Variants in CSMD3 observed in about 807,000 individuals in gnomAD.
CSMD3 encodes the protein CUB and Sushi multiple domains 3, also known as CUB and sushi domain-containing protein 3.
A neutral mutation model predicts 435.2 loss-of-function variants in CSMD3; 177 were observed. The ratio of observed to expected loss-of-function variants is 0.41; its 90% confidence interval spans 0.36 to 0.46. The LOEUF is 0.46. Among genes scored for constraint, CSMD3 ranks in the 20% least tolerant of loss-of-function variants. CSMD3 has a pLI of 0.34. For missense variants in CSMD3, 4,265 were observed against 4,504.6 expected, an observed-to-expected ratio of 0.95 and a Z score of 1.52; for synonymous variants, 1,656 against 1,520.5, an observed-to-expected ratio of 1.09 and a Z score of -2.07.
intron 3 of CSMD3, among the ~76,000 whole-genome samples, chr8:113,244,987 T>G (rs1262015852): frequency 6.6e-6 from 1 of 152,192 alleles, no homozygotes; most frequent in Non-Finnish European, 1.5e-5. Flanking sequence ...TGTTGTTAGG[T>G]ACATGCATGT....
At chr8:113,050,975 T>G (rs1488399008) in intron 5 of CSMD3, among the ~76,000 whole-genome samples, 1 of 152,074 alleles carries the variant, frequency 6.6e-6, no homozygotes, top group East Asian at 1.9e-4. Flanking sequence ...TGACATAACA[T>G]TTGGTGGGAG....
intron 1 of CSMD3, among the ~76,000 whole-genome samples, chr8:113,357,361 G>C (rs1018872230): frequency 6.6e-6 from 1 of 152,110 alleles, no homozygotes; most frequent in African/African-American, 2.4e-5. Flanking sequence ...AGGAAAACTG[G>C]ACATTGAATC....
At chr8:112,559,840 G>T (rs1828459433) in intron 24 of CSMD3, among the ~76,000 whole-genome samples, 1 of 151,706 alleles carries the variant, frequency 6.6e-6, no homozygotes, top group African/African-American at 2.4e-5. Context: ...AGGACAATTA[G>T]GTGAAAACTT....
rs934475883 is a variant in CSMD3 at position 113,301,907 on chromosome 8, G to C, written c.401+12664C>G. Among the ~76,000 whole-genome samples, 11 of 151,944 alleles carry C rather than the reference G, an allele frequency of 7.2e-5. No homozygotes were observed. In the East Asian group the frequency reaches 2.1e-3, roughly 29 times the overall value. ...TTAACAGAAAATAGGTCATATACAT[G>C]AGATTTTTAAGTGGACCCTGATATA... On this transcript the variant is annotated intron_variant, in intron 2 of 70. Coordinates refer to ENST00000297405, the MANE Select transcript of CSMD3 (RefSeq NM_198123.2).
At chr8:113,092,068 C>A (rs1371147934) in intron 5 of CSMD3, among the ~76,000 whole-genome samples, 1 of 152,036 alleles carries the variant, frequency 6.6e-6, no homozygotes, top group Non-Finnish European at 1.5e-5. Context: ...TGACTCTAGT[C>A]TTTGATAAAC....
At chr8:112,653,997 T>TG (rs1259378696) in intron 18 of CSMD3, among the ~76,000 whole-genome samples, 1 of 151,228 alleles carries the variant, frequency 6.6e-6, no homozygotes, top group Non-Finnish European at 1.5e-5. Flanking sequence ...CCCCATGTTT[T>TG]GGGGGGCAGA....
At chr8:113,379,036 A>G (rs1453882233) in intron 1 of CSMD3, among the ~76,000 whole-genome samples, 1 of 152,176 alleles carries the variant, frequency 6.6e-6, no homozygotes, top group Non-Finnish European at 1.5e-5. Flanking sequence ...GTGTATTATC[A>G]TTAGGTTTTA....
intron 1 of CSMD3, among the ~76,000 whole-genome samples, chr8:113,325,965 T>G (rs1323751852): frequency 6.6e-6 from 1 of 152,226 alleles, no homozygotes; most frequent in Non-Finnish European, 1.5e-5. Context: ...TTTCTCTATA[T>G]AGCAAATCCA....
intron 10 of CSMD3, among the ~76,000 whole-genome samples, chr8:112,889,072 T>C (rs1468563774): frequency 6.6e-6 from 1 of 151,686 alleles, no homozygotes; most frequent in Non-Finnish European, 1.5e-5. Context: ...AATCTCTGGT[T>C]TGCAATATTG....
chr8:112,622,808 A>G (rs925948317), intron 22 of CSMD3, among the ~76,000 whole-genome samples: 1 of 152,130 alleles, frequency 6.6e-6, no homozygotes, highest in African/African-American at 2.4e-5. Flanking sequence ...TGTTGAGAAT[A>G]CTGAATGGGT....
intron 24 of CSMD3, among the ~76,000 whole-genome samples, chr8:112,565,025 A>G (rs1828952379): frequency 6.6e-6 from 1 of 152,064 alleles, no homozygotes; most frequent in African/African-American, 2.4e-5. Context: ...AACTTCTATG[A>G]TGTGAAGGCT....
At position 113,161,937 on chromosome 8, in the gene CSMD3, A is replaced by G. The variant is rs540085300; in HGVS notation, c.709+11785T>C. Among the ~76,000 whole-genome samples the G allele has an allele frequency of 8.5e-5, 13 of 152,278 alleles. No homozygotes were observed. In the South Asian group the frequency reaches 2.7e-3, roughly 32 times the overall value. On this transcript the variant is annotated intron_variant, in intron 4 of 70. Coordinates refer to ENST00000297405, the MANE Select transcript of CSMD3 (RefSeq NM_198123.2). ...ACTTATATAACTCTACACGTTATAC[A>G]TGACTAAATAACATTTGTTCCTGAA...
intron 1 of CSMD3, among the ~76,000 whole-genome samples, chr8:113,414,761 G>T (rs2094574666): frequency 6.6e-6 from 1 of 150,560 alleles, no homozygotes; most frequent in Non-Finnish European, 1.5e-5. Context: ...AGGCATTCAA[G>T]ACCAGCCTGA....
intron 3 of CSMD3, among the ~76,000 whole-genome samples, chr8:113,277,955 C>T (rs1301539551): frequency 6.6e-6 from 1 of 151,868 alleles, no homozygotes; most frequent in African/African-American, 2.4e-5. Flanking sequence ...CATTATCAAA[C>T]GATATTTTCC....
chr8:112,509,685 C>A (rs986907469), intron 28 of CSMD3, among the ~76,000 whole-genome samples: 1 of 152,106 alleles, frequency 6.6e-6, no homozygotes, highest in African/African-American at 2.4e-5. Flanking sequence ...GTCTTATTAT[C>A]ATACACTTCT....
intron 35 of CSMD3, among the ~76,000 whole-genome samples, chr8:112,401,999 A>G (rs1465209464): frequency 6.6e-6 from 1 of 152,228 alleles, no homozygotes; most frequent in Admixed American, 6.5e-5. Flanking sequence ...TGCATCGAAT[A>G]CTTTTAGAAT....
intron 10 of CSMD3, among the ~76,000 whole-genome samples, chr8:112,865,932 A>AT (rs34477418): frequency 2.0e-5 from 3 of 151,952 alleles, no homozygotes; most frequent in Non-Finnish European, 4.4e-5. Context: ...ATGTCTTCCA[A>AT]TTTTTTTCCC....
At chr8:113,131,849 C>T (rs2091291722) in intron 4 of CSMD3, among the ~76,000 whole-genome samples, 1 of 152,198 alleles carries the variant, frequency 6.6e-6, no homozygotes, top group South Asian at 2.1e-4. Flanking sequence ...GCAGAACTGC[C>T]CAAGGATTTG....
chr8:112,287,203 A>T lies in CSMD3; in HGVS notation c.9192T>A (p.His3064Gln), dbSNP rs768616343. 6.2e-7 allele frequency: 1 copy of T among 1,613,758 alleles called. No homozygotes were observed. Among genetic ancestry groups the T allele is most frequent in the Non-Finnish European group, 8.5e-7 (1 of 1,179,822 alleles). Residue 3064 changes from histidine to glutamine, a missense_variant, in exon 58 of 71, where the codon CAT becomes CAA. Physicochemically the swap from His to Gln is conservative, Grantham distance 24. Coordinates refer to ENST00000297405, the MANE Select transcript of CSMD3 (RefSeq NM_198123.2). ...TGAAATTGCTTTCCTGTCTAGAGCC[A>T]TGGCCGGGAGTACCTGGATCGCCAC... ...GTCGDPGTPGHGSRQESNFRT... is the reference protein window; with the variant it reads ...GTCGDPGTPGQGSRQESNFRT...
Sources: gnomAD v4.1 joint callset for allele counts (sites outside exome capture counted in the v4.1 genomes callset) on GRCh38, gnomAD v4.1.1 for gene constraint, MANE v1.5 for transcripts, NCBI Gene and HGNC (gene_info 2026-07-23, HGNC 2026-07-21) for gene names.